Variants in RHCG observed in about 807,000 individuals in gnomAD.
RHCG encodes the protein ammonium transporter Rh type C.
Under a neutral mutation model 55.3 loss-of-function variants are expected in RHCG, and 39 were observed. That is an observed-to-expected ratio of 0.70 (90% CI 0.55 to 0.92). RHCG has a LOEUF of 0.92. RHCG is among the 40% of genes least tolerant of loss of function. The pLI, the probability that RHCG is intolerant of heterozygous loss-of-function variation, is 0.00. For missense variants in RHCG, 635 were observed against 627.9 expected, an observed-to-expected ratio of 1.01 and a Z score of -0.12; for synonymous variants, 250 against 246.8, an observed-to-expected ratio of 1.01 and a Z score of -0.12.
At position 89,485,767 on chromosome 15, in the gene RHCG, C is replaced by A. The variant is rs538504017; in HGVS notation, c.371+1032G>T. On this transcript the variant is annotated intron_variant, in intron 2 of 10. Coordinates refer to ENST00000268122, the MANE Select transcript of RHCG (RefSeq NM_016321.3). ...TGTCTAAACTGGACTTAAAGAAGAA[C>A]CTCCAATAAACTAAAACTTGGCTAA... 7.9e-5 allele frequency among the ~76,000 whole-genome samples: 12 copies of A among 152,258 alleles called. No individual in the cohort carries two copies. In the East Asian group the frequency reaches 2.1e-3, roughly 27 times the overall value.
intron 3 of RHCG, 124 bp from the exon 4 acceptor site, chr15:89,480,532 G>A (rs1961248586): frequency 3.4e-6 from 4 of 1,173,374 alleles, no homozygotes; most frequent in Non-Finnish European, 4.8e-6. Flanking sequence ...CAGGGTGCAG[G>A]ATGGAGCCTG....
chr15:89,476,754 C>A lies in RHCG; in HGVS notation c.1311+1G>T, dbSNP rs906708708. Reference sequence around the variant, plus strand: ...CAGGGGGCCAAGTCCCTGGAACTCACCTCCCAGTAGACCGCATCCTCAAAG... The same window carrying A: ...CAGGGGGCCAAGTCCCTGGAACTCAACTCCCAGTAGACCGCATCCTCAAAG... On this transcript the variant is annotated splice_donor_variant, in intron 9 of 10. Coordinates refer to ENST00000268122, the MANE Select transcript of RHCG (RefSeq NM_016321.3). LOFTEE classifies it high-confidence loss of function. The A allele has an allele frequency of 6.2e-7, 1 of 1,613,742 alleles. No individual in the cohort carries two copies. Among genetic ancestry groups the A allele is most frequent in the African/African-American group, 1.3e-5 (1 of 75,048 alleles).
intron 2 of RHCG, among the ~76,000 whole-genome samples, chr15:89,485,912 C>G (rs1368770825): frequency 1.3e-5 from 2 of 152,208 alleles, no homozygotes; most frequent in African/African-American, 4.8e-5. Context: ...GAGCTGACCA[C>G]TTTCTCCATT....
chr15:89,472,958 G>A lies in RHCG; in HGVS notation c.1312-95C>T, dbSNP rs1379578779. On this transcript the variant is annotated intron_variant, in intron 9 of 10. Transcript: ENST00000268122. ...CCTGGAGCTGCAAATGGTGTGTGGC[G>A]AGCGCCACCTTGTGATCGCCGTGCG... 8.2e-6 allele frequency: 11 copies of A among 1,336,618 alleles called. No individual in the cohort carries two copies. In the East Asian group the frequency reaches 2.3e-4, roughly 28 times the overall value. 82.8% of individuals were successfully genotyped at this position (1,336,618 alleles called of 1,614,324 possible). A position where few individuals can be genotyped will look rare whatever the true frequency, so the allele number is the denominator to read the frequency against.
rs1199342587 is a variant in RHCG at position 89,480,279 on chromosome 15, C to A, written c.652G>T (p.Asp218Tyr). 2 of 1,614,138 alleles carry A rather than the reference C, an allele frequency of 1.2e-6. No homozygotes were observed. Among genetic ancestry groups the A allele is most frequent in the East Asian group, 2.2e-5 (1 of 44,878 alleles). ...TTCTCACCAATCATGGCAAAGAGGT[C>A]CGACTGGTACACAGAATTCTGTCTC... ...KERQNSVYQS[D>Y]LFAMIGTLFL... Residue 218 changes from aspartate to tyrosine, a missense_variant, in exon 4 of 11, where the codon GAC becomes TAC. Transcript: ENST00000268122.
chr15:89,485,630 A>G (rs1663594538), intron 2 of RHCG, among the ~76,000 whole-genome samples: 1 of 151,988 alleles, frequency 6.6e-6, no homozygotes, highest in Non-Finnish European at 1.5e-5. Context: ...ATTTTCACAC[A>G]CCAATGATTA....
At chr15:89,485,877 G>T (rs575066838) in intron 2 of RHCG, among the ~76,000 whole-genome samples, 2 of 152,228 alleles carry the variant, frequency 1.3e-5, no homozygotes, top group African/African-American at 4.8e-5. Context: ...ATGGGATAGA[G>T]AGTTTGATAA....
chr15:89,494,433 G>A (rs761603856), intron 1 of RHCG, among the ~76,000 whole-genome samples: 3 of 152,150 alleles, frequency 2.0e-5, no homozygotes, highest in Non-Finnish European at 4.4e-5. Flanking sequence ...TCTCAGAGGT[G>A]TCCTCTGATG....
At chr15:89,484,035 A>G (rs1196680048) in intron 2 of RHCG, among the ~76,000 whole-genome samples, 3 of 152,180 alleles carry the variant, frequency 2.0e-5, no homozygotes, top group Non-Finnish European at 4.4e-5. Context: ...CTGGATTCCA[A>G]GGCAAGACCC....
At chr15:89,472,975 C>T in intron 9 of RHCG, 112 bp from the exon 10 acceptor site, 1 of 1,249,804 alleles carries the variant, frequency 8.0e-7, no homozygotes, top group East Asian at 2.9e-5. Context: ...ACCTTGTGAT[C>T]GCCGTGCGGA....
intron 9 of RHCG, among the ~76,000 whole-genome samples, chr15:89,475,186 CTGCCTTCCTTCCTTCT>C (rs1335416989): frequency 1.1e-3 from 163 of 144,416 alleles, no homozygotes; most frequent in African/African-American, 3.9e-3. Context: ...TCCTGCCTGC[CTGCCTTCCTTCCTTCT>C]TTCCTTCCTT....
At chr15:89,472,990 A>G in intron 9 of RHCG, 127 bp from the exon 10 acceptor site, 1 of 1,120,782 alleles carries the variant, frequency 8.9e-7, no homozygotes, top group Non-Finnish European at 1.2e-6. Context: ...TGCGGATCAC[A>G]TGCCACGGAG....
At chr15:89,480,234 G>GC in intron 4 of RHCG, 27 bp downstream of exon 4, 1 of 1,613,182 alleles carries the variant, frequency 6.2e-7, no homozygotes, top group Non-Finnish European at 8.5e-7. Context: ...CATCATGGTG[G>GC]CCCTCGGTCA....
At position 89,492,006 on chromosome 15, in the gene RHCG, A is replaced by G. The variant is rs1380326188; in HGVS notation, c.184+4355T>C. ...CTGGCTCTTTAGAAATTGCCCCATC[A>G]TATAAGTTATTATTTCTCTTTTCCT... On this transcript the variant is annotated intron_variant, in intron 1 of 10. Transcript: ENST00000268122. 3.3e-5 allele frequency among the ~76,000 whole-genome samples: 5 copies of G among 152,270 alleles called. No individual in the cohort carries two copies. The East Asian group carries it at 9.7e-4, about 29-fold the overall frequency.
In RHCG at chr15:89,477,151, G is replaced by C. The variant is rs766182406; in HGVS notation, c.1168C>G (p.Gln390Glu). 6.2e-7 allele frequency: 1 copy of C among 1,614,084 alleles called. No homozygotes were observed. Among genetic ancestry groups the C allele is most frequent in the Non-Finnish European group, 8.5e-7 (1 of 1,180,016 alleles). ...AGACCATAAATCTGGAACTTTCCCTGTGTTCTTGCGGTCCAGTCCCCGTTG... is the reference window on the plus strand; with the variant it reads ...AGACCATAAATCTGGAACTTTCCCTCTGTTCTTGCGGTCCAGTCCCCGTTG... ...GFNGDWTART[Q>E]GKFQIYGLLV... The change falls in exon 8 of 11, where the codon CAG (glutamine) becomes GAG (glutamate). Residue 390 changes from glutamine (Q) to glutamate (E), a missense_variant. Gln to Glu is a conservative substitution (Grantham distance 29, BLOSUM62 2). Coordinates refer to ENST00000268122, the MANE Select transcript of RHCG (RefSeq NM_016321.3). The surrounding 1 kb of genome is among the most constrained non-coding windows in gnomAD (Gnocchi z 4.5).
intron 3 of RHCG, among the ~76,000 whole-genome samples, chr15:89,482,780 G>A (rs1961290243): frequency 1.3e-5 from 2 of 152,184 alleles, no homozygotes; most frequent in Non-Finnish European, 2.9e-5. Context: ...TATGTGCAGG[G>A]ATATCCTATT....
At chr15:89,471,894 G>C (rs1210498918) in intron 10 of RHCG, 39 bp from the exon 11 acceptor site, 1 of 152,388 alleles carries the variant, frequency 6.6e-6, no homozygotes, top group Non-Finnish European at 1.5e-5. Context: ...TCACTGCCGG[G>C]TCCTGCTGTA....
chr15:89,475,122 A>ATTCATTCCTGCCTGCCTTCC (rs1961121079), intron 9 of RHCG, among the ~76,000 whole-genome samples: 1 of 38,448 alleles, frequency 2.6e-5, no homozygotes, highest in Non-Finnish European at 5.3e-5. Flanking sequence ...GCCTGCCTTC[A>ATTCATTCCTGCCTGCCTTCC]TTCATTCCTG....
intron 2 of RHCG, among the ~76,000 whole-genome samples, chr15:89,485,150 C>A (rs934710999): frequency 2.6e-5 from 4 of 152,164 alleles, no homozygotes; most frequent in Admixed American, 1.3e-4. Flanking sequence ...ACTGCTTCAC[C>A]AAAAGCCTGT....
Sources: allele counts gnomAD v4.1 joint callset (sites outside exome capture counted in the v4.1 genomes callset), GRCh38; gene constraint gnomAD v4.1.1; non-coding constraint Gnocchi (gnomAD v3.1); transcripts MANE v1.5; gene names NCBI Gene and HGNC (gene_info 2026-07-23, HGNC 2026-07-21).